MIPEP: variants seen among roughly 807,000 people sequenced by gnomAD.
The protein encoded by MIPEP is mitochondrial intermediate peptidase.
In MIPEP, 79 loss-of-function variants were observed where a neutral mutation model predicts 90.3. That is an observed-to-expected ratio of 0.87 (90% CI 0.73 to 1.05). MIPEP has a LOEUF of 1.05. MIPEP is among the 50% of genes least tolerant of loss of function. The pLI is 0.00. For synonymous variants in MIPEP, 334 were observed against 315.8 expected (o/e 1.06, Z -0.61); for missense variants, 940 against 905.6 (o/e 1.04, Z -0.49).
intron 16 of MIPEP, among the ~76,000 whole-genome samples, chr13:23,762,853 C>G (rs1359107327): frequency 6.6e-6 from 1 of 152,198 alleles, no homozygotes; most frequent in Non-Finnish European, 1.5e-5. Context: ...GGGGCTGAGG[C>G]TGCTGGAGGT....
chr13:23,829,120 G>A (rs4770499), intron 14 of MIPEP, among the ~76,000 whole-genome samples: 56,794 of 152,116 alleles, frequency 0.37, 11,295 homozygotes, highest in Admixed American at 0.5. Context: ...TTACTCACAC[G>A]GAAGAAAGTA....
intron 14 of MIPEP, among the ~76,000 whole-genome samples, chr13:23,819,741 G>T (rs1365541069): frequency 6.6e-6 from 1 of 152,064 alleles, no homozygotes; most frequent in African/African-American, 2.4e-5. Flanking sequence ...GGACACGGTG[G>T]CTCATGCCTG....
intron 14 of MIPEP, among the ~76,000 whole-genome samples, chr13:23,818,435 TA>T (rs1953267751): frequency 7.3e-6 from 1 of 137,506 alleles, no homozygotes; most frequent in Non-Finnish European, 1.6e-5. Flanking sequence ...CAAAAATTAA[TA>T]AAAATAAATA....
chr13:23,754,431 T>G (rs1952471553), intron 18 of MIPEP, among the ~76,000 whole-genome samples: 1 of 152,246 alleles, frequency 6.6e-6, no homozygotes, highest in Non-Finnish European at 1.5e-5. Flanking sequence ...AATTGTTCTA[T>G]TGTTTGTGTT....
chr13:23,857,405 C>T (rs890221124), intron 10 of MIPEP, among the ~76,000 whole-genome samples: 3 of 151,994 alleles, frequency 2.0e-5, no homozygotes, highest in Non-Finnish European at 4.4e-5. Flanking sequence ...TATATCTCTA[C>T]AAAAAAATTT....
At chr13:23,780,952 T>C (rs1593150439) in intron 16 of MIPEP, among the ~76,000 whole-genome samples, 1 of 152,294 alleles carries the variant, frequency 6.6e-6, no homozygotes, top group South Asian at 2.1e-4. Context: ...TAAGGGACTA[T>C]GCGAAAAGAC....
At chr13:23,802,937 T>G (rs1327648660) in intron 16 of MIPEP, among the ~76,000 whole-genome samples, 1 of 152,224 alleles carries the variant, frequency 6.6e-6, no homozygotes, top group Non-Finnish European at 1.5e-5. Context: ...GCTATGACAT[T>G]CAGCAGTGTA....
intron 14 of MIPEP, among the ~76,000 whole-genome samples, chr13:23,815,945 C>T (rs935032549): frequency 6.6e-6 from 1 of 152,196 alleles, no homozygotes; most frequent in African/African-American, 2.4e-5. Context: ...GAAAATCTCT[C>T]TCTTCTGACG....
chr13:23,877,947 C>T (rs537543745), intron 4 of MIPEP, among the ~76,000 whole-genome samples: 5 of 152,124 alleles, frequency 3.3e-5, no homozygotes, highest in Admixed American at 6.5e-5. Context: ...ATATATTTAT[C>T]ATTTTATTAT....
At chr13:23,861,938 A>G (rs1353793751) in intron 9 of MIPEP, among the ~76,000 whole-genome samples, 1 of 152,232 alleles carries the variant, frequency 6.6e-6, no homozygotes, top group Non-Finnish European at 1.5e-5. Flanking sequence ...TGCAACATTA[A>G]CACTGATGGT....
At chr13:23,813,370 A>G (rs552003026) in intron 14 of MIPEP, among the ~76,000 whole-genome samples, 14 of 152,270 alleles carry the variant, frequency 9.2e-5, no homozygotes, top group African/African-American at 3.1e-4. Flanking sequence ...GTAGATGTGC[A>G]AGTCCCTGCT....
At position 23,845,093 on chromosome 13, in the gene MIPEP, T is replaced by TGTG. The variant is rs563969841; in HGVS notation, c.1107-3606_1107-3605insCAC. Among the ~76,000 whole-genome samples, 9 of 152,306 alleles carry TGTG rather than the reference T, an allele frequency of 5.9e-5. No homozygotes were observed. The South Asian group carries it at 1.9e-3, about 32-fold the overall frequency. ...AACTTTATGTATATATAAACCTACT[T>TGTG]TGGCACAAATAGAATCATACCATTC... On this transcript the variant is annotated intron_variant, in intron 10 of 18. Coordinates refer to ENST00000382172, the MANE Select transcript of MIPEP (RefSeq NM_005932.4).
chr13:23,737,828 T>C (rs1384161994), intron 18 of MIPEP, among the ~76,000 whole-genome samples: 1 of 152,232 alleles, frequency 6.6e-6, no homozygotes, highest in East Asian at 1.9e-4. Flanking sequence ...GGTGAAATCG[T>C]TGGTGTATCA....
intron 6 of MIPEP, 42 bp downstream of exon 6, chr13:23,869,971 A>T (rs1470905041): frequency 1.4e-6 from 2 of 1,471,498 alleles, no homozygotes; most frequent in Non-Finnish European, 1.8e-6. Context: ...GTAGCAACAC[A>T]CAAATGGGAC....
chr13:23,793,125 T>C (rs1209410635), intron 16 of MIPEP, among the ~76,000 whole-genome samples: 1 of 152,180 alleles, frequency 6.6e-6, no homozygotes, highest in African/African-American at 2.4e-5. Flanking sequence ...AAAAACCACA[T>C]ACAGGAGTAT....
intron 10 of MIPEP, among the ~76,000 whole-genome samples, chr13:23,854,063 C>A (rs543317289): frequency 1.3e-5 from 2 of 151,802 alleles, no homozygotes; most frequent in South Asian, 2.1e-4. Context: ...CGGTGGCTCA[C>A]GCCTGTAATC....
intron 18 of MIPEP, among the ~76,000 whole-genome samples, chr13:23,738,941 G>A (rs547793678): frequency 8.5e-5 from 13 of 152,226 alleles, no homozygotes; most frequent in Non-Finnish European, 1.5e-4. Flanking sequence ...CTGCATGCTC[G>A]CCTTTAAGCC....
At chr13:23,731,203 CA>C (rs1448969289) in intron 18 of MIPEP, among the ~76,000 whole-genome samples, 1 of 152,194 alleles carries the variant, frequency 6.6e-6, no homozygotes, top group African/African-American at 2.4e-5. Context: ...AAGGGTTGAA[CA>C]GGCTCTATAT....
chr13:23,812,882 A>G (rs188856897), intron 14 of MIPEP, among the ~76,000 whole-genome samples: 64 of 152,370 alleles, frequency 4.2e-4, no homozygotes, highest in African/African-American at 1.4e-3. Flanking sequence ...AAAGAAACAC[A>G]TAAGTAGAGA....
Sources: gnomAD v4.1 joint callset for allele counts (sites outside exome capture counted in the v4.1 genomes callset) on GRCh38, gnomAD v4.1.1 for gene constraint, MANE v1.5 for transcripts, NCBI Gene and HGNC (gene_info 2026-07-23, HGNC 2026-07-21) for gene names.